TUSC3: variants seen among roughly 807,000 people sequenced by gnomAD.
TUSC3 encodes dolichyl-diphosphooligosaccharide--protein glycosyltransferase subunit TUSC3.
A neutral mutation model predicts 44.8 loss-of-function variants in TUSC3; 45 were observed. That is an observed-to-expected ratio of 1.00 (90% CI 0.79 to 1.29). The LOEUF (loss-of-function observed/expected upper bound fraction) is 1.29. TUSC3 is among the 50% of genes most tolerant of loss of function. The probability of loss-of-function intolerance (pLI) is 0.00; values close to 1 mark genes in which losing one functional copy is unlikely to be tolerated. For synonymous variants in TUSC3, 212 were observed against 152.9 expected (o/e 1.39, Z -2.85); for missense variants, 519 against 437.9 (o/e 1.19, Z -1.65).
chr8:15,641,586 A>G (rs774044370), intron 2 of TUSC3, among the ~76,000 whole-genome samples: 2 of 152,190 alleles, frequency 1.3e-5, no homozygotes, highest in Non-Finnish European at 2.9e-5. Context: ...TTTGCCATTT[A>G]CTAGAGACTT....
intron 1 of TUSC3, among the ~76,000 whole-genome samples, chr8:15,457,649 T>A (rs532895773): frequency 6.7e-6 from 1 of 149,834 alleles, no homozygotes; most frequent in Admixed American, 6.7e-5. Context: ...CAAAAGCCTA[T>A]CCATAGGAAA....
intron 6 of TUSC3, among the ~76,000 whole-genome samples, chr8:15,699,767 T>C (rs557940680): frequency 6.6e-6 from 1 of 152,292 alleles, no homozygotes; most frequent in Admixed American, 6.5e-5. Flanking sequence ...TTAAGCGTTG[T>C]ACAGGAAAAG....
At chr8:15,514,123 A>G (rs1303530879) in intron 2 of TUSC3, among the ~76,000 whole-genome samples, 1 of 152,172 alleles carries the variant, frequency 6.6e-6, no homozygotes, top group Non-Finnish European at 1.5e-5. Context: ...TGTTAGTGTA[A>G]AGTCTAGCTG....
Position 15,605,274 on chromosome 8 carries a change from C to G in TUSC3, c.139-17806C>G, listed in dbSNP as rs1324387797. On this transcript the variant is annotated intron_variant, in intron 1 of 10. Transcript: ENST00000503731. The stretch of plus-strand genomic sequence containing the variant: ...GTTTCATATCTTTTCCTAGAGGAAT[C>G]AAAATTACTTGTCTTTTAGTCACTC... Among the ~76,000 whole-genome samples the G allele has an allele frequency of 5.0e-4, 76 of 151,876 alleles. 1 individual carries two copies. The highest frequency in any genetic ancestry group is 2.9e-5 in the Non-Finnish European group (2 of 67,882).
chr8:15,493,851 A>G lies in TUSC3; in HGVS notation n.189+10368A>G, dbSNP rs571583205. ...ATTGAGTTTGGAAACTGAAATATCA[A>G]AATGTCTAAATATCACCCTTCTTCA... On this transcript the variant is annotated intron_variant and non_coding_transcript_variant, in intron 2 of 5. Transcript: ENST00000503191. Among the ~76,000 whole-genome samples the G allele has an allele frequency of 7.2e-5, 11 of 152,326 alleles. 1 individual carries two copies. The South Asian group carries it at 2.3e-3, about 32-fold the overall frequency.
At chr8:15,845,864 G>A in the TUSC3 span, among the ~76,000 whole-genome samples, 2 of 152,092 alleles carry the variant, frequency 1.3e-5, no homozygotes, top group Admixed American at 6.6e-5. Flanking sequence ...ATTTTATGCT[G>A]CTCATGAAGA....
chr8:15,798,632 G>A, the TUSC3 span, among the ~76,000 whole-genome samples: 1 of 99,358 alleles, frequency 1.0e-5, no homozygotes, highest in Non-Finnish European at 2.2e-5. Flanking sequence ...ATCCCAGTCA[G>A]TACTCTCCTG....
At chr8:15,550,972 C>A (rs1000661688) in intron 1 of TUSC3, among the ~76,000 whole-genome samples, 1 of 151,760 alleles carries the variant, frequency 6.6e-6, no homozygotes, top group African/African-American at 2.4e-5. Context: ...TGGTAACTTA[C>A]AAAGTGTTAA....
chr8:15,478,213 G>A (rs1230559195), intron 1 of TUSC3, among the ~76,000 whole-genome samples: 1 of 152,152 alleles, frequency 6.6e-6, no homozygotes, highest in Admixed American at 6.5e-5. Context: ...TCATACACCT[G>A]CCTCAGCCTC....
At chr8:15,774,691 G>C in the TUSC3 span, among the ~76,000 whole-genome samples, 1 of 152,108 alleles carries the variant, frequency 6.6e-6, no homozygotes, top group Non-Finnish European at 1.5e-5. Flanking sequence ...AAACATCAGA[G>C]TAAAATATAC....
At chr8:15,736,255 T>C (rs2129210759) in intron 7 of TUSC3, among the ~76,000 whole-genome samples, 1 of 152,332 alleles carries the variant, frequency 6.6e-6, no homozygotes, top group African/African-American at 2.4e-5. Flanking sequence ...GTGCAAATAA[T>C]TCTTCATTTA....
intron 2 of TUSC3, among the ~76,000 whole-genome samples, chr8:15,643,829 C>T (rs376641663): frequency 2.6e-5 from 4 of 152,100 alleles, no homozygotes; most frequent in Non-Finnish European, 2.9e-5. Flanking sequence ...TTGTTTTTTT[C>T]TTCTCGAGGA....
At chr8:15,658,666 AATAT>A (rs1393682013) in intron 3 of TUSC3, among the ~76,000 whole-genome samples, 1 of 151,048 alleles carries the variant, frequency 6.6e-6, no homozygotes, top group Non-Finnish European at 1.5e-5. Context: ...ACACAAATAC[AATAT>A]ATATACACAT....
At chr8:15,730,921 A>G (rs1179578353) in intron 7 of TUSC3, among the ~76,000 whole-genome samples, 192 bp downstream of exon 7, 1 of 151,814 alleles carries the variant, frequency 6.6e-6, no homozygotes. Flanking sequence ...ATTCCGTATC[A>G]TTAACAGATC....
chr8:15,423,969 GTTTTT>G (rs112397215), intron 1 of TUSC3, among the ~76,000 whole-genome samples: 23,413 of 70,528 alleles, frequency 0.33, 4,023 homozygotes, highest in Middle Eastern at 0.47. Context: ...GTTTTGCTTT[GTTTTT>G]TTTTTTTTTT....
At chr8:15,598,422 A>C (rs544469803) in intron 1 of TUSC3, among the ~76,000 whole-genome samples, 1 of 152,016 alleles carries the variant, frequency 6.6e-6, no homozygotes, top group South Asian at 2.1e-4. Flanking sequence ...ATTCCTACCA[A>C]TGTGGTACAT....
upstream of TUSC3, among the ~76,000 whole-genome samples, chr8:15,535,939 C>A (rs149678869): frequency 1.1e-3 from 164 of 152,250 alleles, 3 homozygotes; most frequent in Admixed American, 4.6e-3. Flanking sequence ...CCCAGGACGG[C>A]CTTGAATGCA....
At chr8:15,526,804 C>T (rs751183468) in intron 2 of TUSC3, among the ~76,000 whole-genome samples, 32 of 152,206 alleles carry the variant, frequency 2.1e-4, no homozygotes, top group Middle Eastern at 3.4e-3. Flanking sequence ...ACTAAAGTTG[C>T]TTCGTTTGAA....
the TUSC3 span, among the ~76,000 whole-genome samples, chr8:15,774,433 A>G: frequency 1.3e-5 from 2 of 152,136 alleles, no homozygotes; most frequent in Non-Finnish European, 2.9e-5. Context: ...CCATATAAAG[A>G]TGGATGATTC....
Sources: allele counts gnomAD v4.1 joint callset (sites outside exome capture counted in the v4.1 genomes callset), GRCh38; gene constraint gnomAD v4.1.1; transcripts MANE v1.5; gene names NCBI Gene and HGNC (gene_info 2026-07-23, HGNC 2026-07-21).